AP3S1: variants seen among roughly 807,000 people sequenced by gnomAD.
The protein encoded by AP3S1 is adaptor related protein complex 3 subunit sigma 1, also known as AP-3 complex subunit sigma-1.
Under a neutral mutation model 21.3 loss-of-function variants are expected in AP3S1, and 12 were observed. The ratio of observed to expected loss-of-function variants is 0.56; its 90% CI spans 0.36 to 0.91. The LOEUF (loss-of-function observed/expected upper bound fraction) is 0.91, where lower values mean the gene tolerates loss of function less well. Among genes scored for constraint, AP3S1 ranks in the 40% least tolerant of loss-of-function variants. The probability of loss-of-function intolerance (pLI) is 0.01; values close to 1 mark genes in which losing one functional copy is unlikely to be tolerated. For missense variants in AP3S1, 116 were observed against 225.0 expected, an observed-to-expected ratio of 0.52 and a Z score of 3.10; for synonymous variants, 48 against 78.4, an observed-to-expected ratio of 0.61 and a Z score of 2.05.
chr5:115,852,927 A>G (rs1762542198), intron 1 of AP3S1: 2 of 431,956 alleles, frequency 4.6e-6, no homozygotes, highest in Admixed American at 2.6e-5. Context: ...TAATGGTGCT[A>G]TGAACATTCA....
chr5:115,901,182 T>A (rs1751175134), intron 4 of AP3S1, among the ~76,000 whole-genome samples: 1 of 152,182 alleles, frequency 6.6e-6, no homozygotes, highest in Non-Finnish European at 1.5e-5. Flanking sequence ...CGAAAATTAA[T>A]GTATATAATA....
At chr5:115,880,427 T>C (rs963431772) in intron 3 of AP3S1, among the ~76,000 whole-genome samples, 3 of 152,286 alleles carry the variant, frequency 2.0e-5, no homozygotes, top group East Asian at 1.9e-4. Context: ...TTCAAAGAAC[T>C]CATTTATTTC....
At chr5:115,876,352 G>A (rs1748710826) in intron 3 of AP3S1, among the ~76,000 whole-genome samples, 1 of 152,136 alleles carries the variant, frequency 6.6e-6, no homozygotes, top group Admixed American at 6.6e-5. Flanking sequence ...AGCTGGAAGT[G>A]ACTTAAAATT....
intron 4 of AP3S1, among the ~76,000 whole-genome samples, chr5:115,901,518 A>G (rs756288432): frequency 4.0e-5 from 6 of 150,046 alleles, no homozygotes; most frequent in Non-Finnish European, 7.4e-5. Context: ...TGAGGTGTCC[A>G]TGCTTCCAAA....
intron 3 of AP3S1, among the ~76,000 whole-genome samples, chr5:115,891,715 T>C (rs997027541): frequency 6.6e-6 from 1 of 152,064 alleles, no homozygotes; most frequent in African/African-American, 2.4e-5. Flanking sequence ...AGGGCCATGA[T>C]CCTCCAGACC....
chr5:115,858,198 C>T (rs1156534093), intron 1 of AP3S1, among the ~76,000 whole-genome samples: 1 of 152,148 alleles, frequency 6.6e-6, no homozygotes, highest in East Asian at 1.9e-4. Flanking sequence ...CAGTAATACC[C>T]TCCAGCAATT....
At chr5:115,873,176 C>G (rs1181453547) in intron 3 of AP3S1, among the ~76,000 whole-genome samples, 1 of 152,108 alleles carries the variant, frequency 6.6e-6, no homozygotes, top group African/African-American at 2.4e-5. Flanking sequence ...TGTTGTTGAT[C>G]TTCTTATGAG....
intron 2 of AP3S1, among the ~76,000 whole-genome samples, chr5:115,867,964 C>T (rs990613632): frequency 6.6e-6 from 1 of 152,154 alleles, no homozygotes; most frequent in African/African-American, 2.4e-5. Context: ...GGCCTCACAT[C>T]TAGTTTAATC....
chr5:115,879,484 A>G (rs1429389498), intron 3 of AP3S1, among the ~76,000 whole-genome samples: 2 of 152,136 alleles, frequency 1.3e-5, no homozygotes, highest in Non-Finnish European at 2.9e-5. Context: ...GGTTCTGTTT[A>G]TGTGATGGAT....
intron 3 of AP3S1, among the ~76,000 whole-genome samples, chr5:115,888,872 A>G (rs2112894899): frequency 6.6e-6 from 1 of 152,276 alleles, no homozygotes; most frequent in Admixed American, 6.5e-5. Flanking sequence ...TGTGCTGGGC[A>G]CTCTATCTAA....
At chr5:115,882,796 T>C (rs1243871020) in intron 3 of AP3S1, among the ~76,000 whole-genome samples, 2 of 152,320 alleles carry the variant, frequency 1.3e-5, no homozygotes, top group African/African-American at 4.8e-5. Flanking sequence ...GAAGCTGTGC[T>C]CACAGCCACC....
At chr5:115,861,220 A>G (rs1763156715) in intron 1 of AP3S1, among the ~76,000 whole-genome samples, 1 of 152,216 alleles carries the variant, frequency 6.6e-6, no homozygotes, top group Non-Finnish European at 1.5e-5. Flanking sequence ...GTGTCTTAGA[A>G]AGGGTGTTGC....
chr5:115,846,387 G>C (rs1390834767), intron 1 of AP3S1, among the ~76,000 whole-genome samples: 1 of 152,140 alleles, frequency 6.6e-6, no homozygotes, highest in African/African-American at 2.4e-5. Context: ...ATAAAATACT[G>C]TGTGTATGTA....
intron 1 of AP3S1, among the ~76,000 whole-genome samples, chr5:115,857,730 T>A (rs2112800564): frequency 6.6e-6 from 1 of 152,356 alleles, no homozygotes; most frequent in East Asian, 1.9e-4. Flanking sequence ...TGATTTATTC[T>A]GCTATTAAAA....
chr5:115,910,265 T>TAAAAA (rs397884038), intron 5 of AP3S1, among the ~76,000 whole-genome samples: 1 of 125,170 alleles, frequency 8.0e-6, no homozygotes, highest in Non-Finnish European at 1.7e-5. Flanking sequence ...CCCTGTCTCT[T>TAAAAA]AAAAAAAAAA....
intron 1 of AP3S1, among the ~76,000 whole-genome samples, chr5:115,862,648 T>A (rs893431295): frequency 6.6e-6 from 1 of 152,254 alleles, no homozygotes; most frequent in African/African-American, 2.4e-5. Context: ...TTTGAGAATC[T>A]GCTTAAAATG....
intron 3 of AP3S1, among the ~76,000 whole-genome samples, chr5:115,885,008 A>C (rs1054445757): frequency 6.6e-6 from 1 of 152,192 alleles, no homozygotes; most frequent in Non-Finnish European, 1.5e-5. Context: ...TTATGAACTT[A>C]ACTATTATTA....
chr5:115,888,976 G>A (rs1319226455), intron 3 of AP3S1, among the ~76,000 whole-genome samples: 1 of 152,026 alleles, frequency 6.6e-6, no homozygotes, highest in Non-Finnish European at 1.5e-5. Context: ...AATGATACTT[G>A]AGGCCACAGA....
chr5:115,876,546 T>C (rs77579015), intron 3 of AP3S1, among the ~76,000 whole-genome samples: 5,257 of 152,210 alleles, frequency 0.035, 332 homozygotes, highest in African/African-American at 0.12. Context: ...ACCCAAGAAA[T>C]TAACATTGAT....
Sources: allele counts gnomAD v4.1 joint callset (sites outside exome capture counted in the v4.1 genomes callset), GRCh38; gene constraint gnomAD v4.1.1; transcripts MANE v1.5; gene names NCBI Gene and HGNC (gene_info 2026-07-23, HGNC 2026-07-21).